NOL8: variants seen among roughly 807,000 people sequenced by gnomAD.
NOL8 encodes the protein nucleolar protein 8, also known as nucleolar protein Nop132.
NOL8 carries 93 observed loss-of-function variants against 116.1 expected under a neutral mutation model. The observed-to-expected ratio is 0.80, with a 90% CI of 0.68 to 0.95. The LOEUF (loss-of-function observed/expected upper bound fraction) is 0.95, where lower values mean the gene tolerates loss of function less well. Ranked by LOEUF, NOL8 falls within the 40% of genes least tolerant of loss-of-function variation. The probability of loss-of-function intolerance (pLI) is 0.00; values close to 1 mark genes in which losing one functional copy is unlikely to be tolerated. For synonymous variants in NOL8, 419 were observed against 469.0 expected (o/e 0.89, Z 1.38); for missense variants, 1,291 against 1,382.8 (o/e 0.93, Z 1.05).
intron 14 of NOL8, 78 bp from the exon 15 acceptor site, chr9:92,299,032 C>T (rs1009609795): frequency 6.0e-6 from 4 of 667,968 alleles, no homozygotes; most frequent in Non-Finnish European, 9.6e-6. Context: ...GAAATATTTA[C>T]ATTCAAAACA....
chr9:92,308,542 C>T (rs1043326618), intron 10 of NOL8, among the ~76,000 whole-genome samples: 1 of 152,084 alleles, frequency 6.6e-6, no homozygotes, highest in Non-Finnish European at 1.5e-5. Context: ...CAGTTGGGAG[C>T]TCAGCAGAAC....
chr9:92,315,915 G>A lies in NOL8; in HGVS notation c.710C>T (p.Thr237Ile). The A allele has an allele frequency of 6.2e-7, 1 of 1,613,856 alleles. No individual in the cohort carries two copies. The highest frequency in any genetic ancestry group is 8.5e-7 in the Non-Finnish European group (1 of 1,179,878). The change falls in exon 7 of 17, where the codon ACA becomes ATA. Residue 237 changes from threonine to isoleucine, a missense_variant. Thr to Ile is a moderately conservative substitution (Grantham distance 89). Coordinates refer to ENST00000442668, the MANE Select transcript of NOL8 (RefSeq NM_017948.6). ...ESSTGSLAMS[T>I]RPRRVIERPP... ...TCTCTCTATTACCCTCCTGGGCCTT[G>A]TACTCATGGCCAGAGACCCAGTGGA... is the stretch of plus-strand genomic sequence containing the variant.
chr9:92,305,740 TA>T lies in NOL8; in HGVS notation c.2903+12del. 6.4e-7 allele frequency: 1 copy of T among 1,556,046 alleles called. No homozygotes were observed. Among genetic ancestry groups the T allele is most frequent in the Non-Finnish European group, 8.9e-7 (1 of 1,128,430 alleles). The stretch of plus-strand genomic sequence containing the variant: ...TACATGATCCTATTGCTAAAAGAAG[TA>T]GCTCTACTTACCTTTCTTTTGGCTT... On this transcript the variant is annotated intron_variant, in intron 12 of 16. Coordinates refer to ENST00000442668, the MANE Select transcript of NOL8 (RefSeq NM_017948.6).
chr9:92,305,281 G>T (rs1202559745), intron 12 of NOL8, among the ~76,000 whole-genome samples: 1 of 152,114 alleles, frequency 6.6e-6, no homozygotes, highest in East Asian at 1.9e-4. Flanking sequence ...GAGTAATGTA[G>T]TCTCAAGCCA....
chr9:92,324,059 A>G lies in NOL8; in HGVS notation c.103T>C (p.Ser35Pro). Residue 35 changes from serine (S) to proline (P), a missense_variant, in exon 2 of 17, where the codon TCG (serine) becomes CCG (proline). Ser to Pro is a moderately conservative substitution (Grantham distance 74, BLOSUM62 -1). Coordinates refer to ENST00000442668, the MANE Select transcript of NOL8 (RefSeq NM_017948.6). ...TTCCGTGTGATGATCTCCACATCCG[A>G]AACTTCTCCAAATCTGCTGAACTGA... ...QNQFSRFGEV[S>P]DVEIITRKDD... The G allele has an allele frequency of 1.2e-6, 2 of 1,614,018 alleles. No homozygotes were observed. Among genetic ancestry groups the G allele is most frequent in the Non-Finnish European group, 8.5e-7 (1 of 1,179,876 alleles).
intron 14 of NOL8, among the ~76,000 whole-genome samples, chr9:92,299,352 A>G (rs1415761692): frequency 6.6e-6 from 1 of 152,158 alleles, no homozygotes; most frequent in African/African-American, 2.4e-5. Flanking sequence ...CTGTCAGGCC[A>G]CCTTCCCTTT....
Position 92,311,228 on chromosome 9 carries a change from A to AC in NOL8, c.2389_2390insG (p.Ile797SerfsTer6). On this transcript the variant is annotated frameshift_variant, in exon 8 of 17. Coordinates refer to ENST00000442668, the MANE Select transcript of NOL8 (RefSeq NM_017948.6). LOFTEE classifies it high-confidence loss of function. ...ACATTCACTGTCAGAACCGAAGATG[A>AC]TGTGCGTTGGCTTATCCTCTGGATG... is the stretch of plus-strand genomic sequence containing the variant. 6.2e-7 allele frequency: 1 copy of AC among 1,613,872 alleles called. No individual in the cohort carries two copies. Among genetic ancestry groups the AC allele is most frequent in the Non-Finnish European group, 8.5e-7 (1 of 1,179,826 alleles).
At chr9:92,306,842 G>A (rs773270426) in intron 11 of NOL8, 44 bp downstream of exon 11, 1 of 1,567,484 alleles carries the variant, frequency 6.4e-7, no homozygotes, top group Non-Finnish European at 8.7e-7. Context: ...AGACATTTAT[G>A]GCAAAGGATG....
chr9:92,325,031 C>T (rs1171683967), intron 1 of NOL8: 1 of 152,040 alleles, frequency 6.6e-6, no homozygotes, highest in Non-Finnish European at 1.5e-5. Flanking sequence ...GTACTAGGGC[C>T]CATCATAGTA....
intron 1 of NOL8, 23 bp downstream of exon 1, chr9:92,325,280 TCTC>T (rs1443965445): frequency 6.6e-6 from 1 of 152,168 alleles, no homozygotes; most frequent in East Asian, 1.9e-4. Context: ...CCCTGTGACT[TCTC>T]ATGCCCGAAA....
chr9:92,311,265 G>GA lies in NOL8; in HGVS notation c.2359-7dup, dbSNP rs771216156. The GA allele has an allele frequency of 2.1e-5, 33 of 1,604,144 alleles. No individual in the cohort carries two copies. Among genetic ancestry groups the GA allele is most frequent in the Middle Eastern group, 1.7e-4 (1 of 6,038 alleles). Reference sequence around the variant, plus strand: ...TTATCCTCTGGATGACCATCCTAGGGAGGCCATCGAAAGCATTGCATCTTA... The same window carrying GA: ...TTATCCTCTGGATGACCATCCTAGGGAAGGCCATCGAAAGCATTGCATCTTA... On this transcript the variant is annotated splice_region_variant and splice_polypyrimidine_tract_variant and intron_variant, in intron 7 of 16. Coordinates refer to ENST00000442668, the MANE Select transcript of NOL8 (RefSeq NM_017948.6).
chr9:92,322,492 G>A (rs1405711170), intron 3 of NOL8, among the ~76,000 whole-genome samples: 1 of 152,136 alleles, frequency 6.6e-6, no homozygotes, highest in East Asian at 1.9e-4. Context: ...AAGTAGCTGG[G>A]ATTACAGGTG....
Position 92,315,622 on chromosome 9 carries a change from C to T in NOL8, c.1003G>A (p.Glu335Lys). Residue 335 changes from glutamate to lysine, a missense_variant, in exon 7 of 17, where the codon GAA (glutamate) becomes AAA (lysine). Coordinates refer to ENST00000442668, the MANE Select transcript of NOL8 (RefSeq NM_017948.6). ...GATTTGAAATCATCCCTTACAACTT[C>T]AAAAGGATCACTTTCAGATTCATTT... ...SINESESDPFEVVRDDFKSGV... is the reference protein window; with the variant it reads ...SINESESDPFKVVRDDFKSGV... 1.2e-6 allele frequency: 2 copies of T among 1,613,370 alleles called. No individual in the cohort carries two copies. Among genetic ancestry groups the T allele is most frequent in the Middle Eastern group, 1.6e-4 (1 of 6,062 alleles).
rs1840195266 is a variant in NOL8 at position 92,324,016 on chromosome 9, A to T, written c.139+7T>A. ...CTATAACTGCCCAGTGAAGGACCATAAATTACCTTGGTCATCTTTCCGTGT... is the reference window on the plus strand; with the variant it reads ...CTATAACTGCCCAGTGAAGGACCATTAATTACCTTGGTCATCTTTCCGTGT... On this transcript the variant is annotated splice_region_variant and intron_variant, in intron 2 of 16. Coordinates refer to ENST00000442668, the MANE Select transcript of NOL8 (RefSeq NM_017948.6). 1.2e-6 allele frequency: 2 copies of T among 1,613,636 alleles called. No individual in the cohort carries two copies. Among genetic ancestry groups the T allele is most frequent in the African/African-American group, 1.3e-5 (1 of 74,918 alleles).
intron 15 of NOL8, 64 bp downstream of exon 15, chr9:92,298,820 G>T: frequency 2.2e-6 from 2 of 919,904 alleles, no homozygotes; most frequent in South Asian, 1.9e-5. Context: ...TCCTGGATGT[G>T]AATTACTGTA....
intron 12 of NOL8, among the ~76,000 whole-genome samples, chr9:92,305,059 G>T (rs1838106058): frequency 6.6e-6 from 1 of 151,764 alleles, no homozygotes; most frequent in African/African-American, 2.4e-5. Context: ...CCCCCCAAAA[G>T]CTATGTCCAT....
chr9:92,319,261 T>C lies in NOL8; in HGVS notation c.377A>G (p.His126Arg), dbSNP rs761279746. 28 of 1,590,578 alleles carry C rather than the reference T, an allele frequency of 1.8e-5. No individual in the cohort carries two copies. The highest frequency in any genetic ancestry group is 2.3e-5 in the South Asian group (2 of 88,784). The change falls in exon 5 of 17, where the codon CAT becomes CGT. Residue 126 changes from histidine (H) to arginine (R), a missense_variant. His to Arg is a conservative substitution (Grantham distance 29). Transcript: ENST00000442668. ...TTCTGTCCCTGGCACAGCTTTCATA[T>C]GGAAATCCACTCCTCCTGTCTTTTC... ...LLEKTGGVDF[H>R]MKAVPGTEVP... is the part of the protein sequence containing the mutation.
At chr9:92,309,016 G>T (rs1047117934) in intron 10 of NOL8, 1 of 152,250 alleles carries the variant, frequency 6.6e-6, no homozygotes, top group African/African-American at 2.4e-5. Context: ...CAAGGTGATG[G>T]AGGCTGGCTG....
intron 10 of NOL8, among the ~76,000 whole-genome samples, chr9:92,309,735 G>C (rs1383487575): frequency 1.3e-5 from 2 of 152,178 alleles, no homozygotes; most frequent in Non-Finnish European, 2.9e-5. Flanking sequence ...ATAAATTCAA[G>C]TAGAATGGCA....
Sources: gnomAD v4.1 joint callset for allele counts (sites outside exome capture counted in the v4.1 genomes callset) on GRCh38, gnomAD v4.1.1 for gene constraint, MANE v1.5 for transcripts, NCBI Gene and HGNC (gene_info 2026-07-23, HGNC 2026-07-21) for gene names.